CDX1: variants seen among roughly 807,000 people sequenced by gnomAD.
CDX1 encodes the protein caudal type homeobox 1.
CDX1 carries 9 observed loss-of-function variants against 16.9 expected under a neutral mutation model. The ratio of observed to expected loss-of-function variants is 0.53; its 90% CI spans 0.32 to 0.93. CDX1 has a LOEUF of 0.93. CDX1 is among the 40% of genes least tolerant of loss of function. The probability of loss-of-function intolerance (pLI) is 0.04; values close to 1 mark genes in which losing one functional copy is unlikely to be tolerated. For missense variants in CDX1, 393 were observed against 386.1 expected (o/e 1.02, Z -0.15); for synonymous variants, 179 against 179.0 (o/e 1.00, Z 0.00).
intron 1 of CDX1, among the ~76,000 whole-genome samples, chr5:150,169,460 G>A (rs1314911300): frequency 2.0e-5 from 3 of 152,074 alleles, no homozygotes; most frequent in East Asian, 1.9e-4. Context: ...GCCCTCTTCC[G>A]CAGAGGATGC....
Position 150,167,207 on chromosome 5 carries a change from C to T in CDX1, c.331C>T (p.Leu111Phe). 7.9e-7 allele frequency: 1 copy of T among 1,265,274 alleles called. No individual in the cohort carries two copies. The highest frequency in any genetic ancestry group is 9.9e-7 in the Non-Finnish European group (1 of 1,010,378). The allele number at this position is 1,265,274 out of a possible 1,614,324, so 78.4% of individuals were successfully genotyped here. A position where few individuals can be genotyped will look rare whatever the true frequency, so the allele number is the denominator to read the frequency against. ...VPAPPGPGPG[L>F]LAQPLGGPGT... ...GGCGCCCCCTGGGCCCGGCCCGGGC[C>T]TCCTGGCGCAGCCCCTCGGGGGCCC... The change falls in exon 1 of 3, where the codon CTC becomes TTC. Residue 111 changes from leucine (L) to phenylalanine (F), a missense_variant. Leu to Phe is a conservative substitution (Grantham distance 22). Transcript: ENST00000231656.
In CDX1 at chr5:150,166,870, G is replaced by C; in HGVS notation, c.-7G>C. The C allele has an allele frequency of 6.8e-7, 1 of 1,479,522 alleles. No homozygotes were observed. Among genetic ancestry groups the C allele is most frequent in the Non-Finnish European group, 8.9e-7 (1 of 1,120,000 alleles). The allele number at this position is 1,479,522 out of a possible 1,614,324, so 91.6% of individuals were successfully genotyped here. A position where few individuals can be genotyped will look rare whatever the true frequency, so the allele number is the denominator to read the frequency against. On this transcript the variant is annotated 5_prime_UTR_variant, in exon 1 of 3. Transcript: ENST00000231656. ...GCCCAGCATGCGCGGGGGACCCCGC[G>C]GCCACCATGTATGTGGGCTATGTGC...
rs772689982 is a variant in CDX1, at chr5:150,183,460, C to T, written c.592-14C>T. The T allele has an allele frequency of 3.8e-6, 6 of 1,585,372 alleles. No individual in the cohort carries two copies. In the Admixed American group the frequency reaches 6.9e-5, roughly 18 times the overall value. The stretch of plus-strand genomic sequence containing the variant: ...CCCTGCTGCCCACTCCATCTCTGTC[C>T]TCCAACCCCACAGGTGAAGATCTGG... On this transcript the variant is annotated splice_polypyrimidine_tract_variant and intron_variant, in intron 2 of 2. Transcript: ENST00000231656.
chr5:150,171,012 G>A (rs1042199637), intron 1 of CDX1, among the ~76,000 whole-genome samples: 1 of 152,130 alleles, frequency 6.6e-6, no homozygotes, highest in Non-Finnish European at 1.5e-5. Context: ...CATTGGGGTG[G>A]CTGAGGTCTC....
chr5:150,175,569 C>T (rs985247259), intron 1 of CDX1, among the ~76,000 whole-genome samples: 1 of 152,200 alleles, frequency 6.6e-6, no homozygotes, highest in Admixed American at 6.5e-5. Context: ...CATCCCTGCT[C>T]AGGGCTTGAG....
intron 1 of CDX1, among the ~76,000 whole-genome samples, chr5:150,180,374 A>G (rs10463230): frequency 0.032 from 4,826 of 152,340 alleles, 92 homozygotes; most frequent in East Asian, 0.083. Context: ...GGAAGCGTCC[A>G]GTGTGGTTCC....
chr5:150,183,351 G>A (rs1318697367), intron 2 of CDX1, 123 bp from the exon 3 acceptor site: 2 of 830,012 alleles, frequency 2.4e-6, no homozygotes, highest in Non-Finnish European at 3.7e-6. Context: ...GGAGGCTGGA[G>A]AGGAGATAAG....
intron 1 of CDX1, among the ~76,000 whole-genome samples, chr5:150,174,169 A>G (rs1425036139): frequency 6.6e-6 from 1 of 152,222 alleles, no homozygotes; most frequent in Non-Finnish European, 1.5e-5. Flanking sequence ...CCCTCACTGC[A>G]GCCCCACCTC....
rs754282289 is a variant in CDX1, at chr5:150,166,963, C to T, written c.87C>T (p.Ala29=). Residue 29 remains alanine (A), a synonymous_variant, in exon 1 of 3, where the codon GCC becomes GCT. Coordinates refer to ENST00000231656, the MANE Select transcript of CDX1 (RefSeq NM_001804.3). ...CCAGCCTCGGCCTGGGCCCGCAAGC[C>T]TACGGCCCCCCGGCCCCGCCCCCGG... ...RPASLGLGPQ[A]YGPPAPPPAP... 12 of 1,475,566 alleles carry T rather than the reference C, an allele frequency of 8.1e-6. No homozygotes were observed. The East Asian group carries it at 8.8e-5, about 11-fold the overall frequency. 91.4% of individuals were successfully genotyped at this position (1,475,566 alleles called of 1,614,324 possible).
chr5:150,177,445 T>A (rs1329102139), intron 1 of CDX1, among the ~76,000 whole-genome samples: 1 of 152,234 alleles, frequency 6.6e-6, no homozygotes, highest in Non-Finnish European at 1.5e-5. Context: ...CTAGACATTG[T>A]CCATCTATCT....
In CDX1 at chr5:150,167,331, CT is replaced by C; in HGVS notation, c.445+12del. On this transcript the variant is annotated intron_variant, in intron 1 of 2. Coordinates refer to ENST00000231656, the MANE Select transcript of CDX1 (RefSeq NM_001804.3). The stretch of plus-strand genomic sequence containing the variant: ...GGCGGCGGTGGCAGCGGTAAGGACC[CT>C]TCCCTCGCCCTGCGCCTCTGGACCT... 1 of 1,250,702 alleles carries C rather than the reference CT, an allele frequency of 8.0e-7. No individual in the cohort carries two copies. Among genetic ancestry groups the C allele is most frequent in the Non-Finnish European group, 1.0e-6 (1 of 1,000,922 alleles). The allele number at this position is 1,250,702 out of a possible 1,614,324, so 77.5% of individuals were successfully genotyped here.
rs187392757 is a variant in CDX1 at position 150,169,312 on chromosome 5, G to T, written c.445+1991G>T. On this transcript the variant is annotated intron_variant, in intron 1 of 2. Coordinates refer to ENST00000231656, the MANE Select transcript of CDX1 (RefSeq NM_001804.3). ...TGGTCTCAAAAGTCGCTTGAAAACT[G>T]TTGTCTGCAGGCAGATGAGTCTACC... is the stretch of plus-strand genomic sequence containing the variant. 2.6e-4 allele frequency among the ~76,000 whole-genome samples: 40 copies of T among 152,224 alleles called. 1 individual carries two copies. The East Asian group carries it at 6.6e-3, about 25-fold the overall frequency.
At chr5:150,168,557 C>T (rs1487400365) in intron 1 of CDX1, among the ~76,000 whole-genome samples, 1 of 152,234 alleles carries the variant, frequency 6.6e-6, no homozygotes, top group African/African-American at 2.4e-5. Flanking sequence ...TAAGTAAGAT[C>T]TTGCATGCAT....
At chr5:150,176,680 C>T (rs1243549855) in intron 1 of CDX1, among the ~76,000 whole-genome samples, 1 of 152,158 alleles carries the variant, frequency 6.6e-6, no homozygotes, top group Non-Finnish European at 1.5e-5. Context: ...ACAGGCTAAA[C>T]CAATGCCCAG....
intron 1 of CDX1, among the ~76,000 whole-genome samples, chr5:150,173,366 C>G (rs1313032626): frequency 6.6e-6 from 1 of 152,194 alleles, no homozygotes; most frequent in Non-Finnish European, 1.5e-5. Flanking sequence ...CTGCTCCTCC[C>G]TGCCTGGGGG....
At chr5:150,171,115 C>G (rs1193500801) in intron 1 of CDX1, among the ~76,000 whole-genome samples, 1 of 152,092 alleles carries the variant, frequency 6.6e-6, no homozygotes, top group African/African-American at 2.4e-5. Flanking sequence ...GAAACTGAGG[C>G]CCATGAAGGA....
chr5:150,183,731 G>T lies in CDX1; in HGVS notation c.*51G>T. ...GGACCTGGGGACTCGGGTGCTGGGA[G>T]TGTGGCTCCTGTGGGCCCAGGAGGT... is the stretch of plus-strand genomic sequence containing the variant. On this transcript the variant is annotated 3_prime_UTR_variant, in exon 3 of 3. Transcript: ENST00000231656. 3 of 1,415,876 alleles carry T rather than the reference G, an allele frequency of 2.1e-6. No homozygotes were observed. The highest frequency in any genetic ancestry group is 1.9e-6 in the Non-Finnish European group (2 of 1,064,610). The allele number at this position is 1,415,876 out of a possible 1,614,324, so 87.7% of individuals were successfully genotyped here.
chr5:150,170,086 T>A (rs1421657100), intron 1 of CDX1, among the ~76,000 whole-genome samples: 1 of 152,240 alleles, frequency 6.6e-6, no homozygotes, highest in Non-Finnish European at 1.5e-5. Context: ...TTCCAAGCTC[T>A]AGCCATTCCA....
chr5:150,179,347 G>A (rs1321211983), intron 1 of CDX1, among the ~76,000 whole-genome samples: 1 of 152,182 alleles, frequency 6.6e-6, no homozygotes, highest in African/African-American at 2.4e-5. Context: ...AAGGCCTGTG[G>A]GCCAGGTCTT....
Sources: allele counts gnomAD v4.1 joint callset (sites outside exome capture counted in the v4.1 genomes callset), GRCh38; gene constraint gnomAD v4.1.1; transcripts MANE v1.5; gene names NCBI Gene and HGNC (gene_info 2026-07-23, HGNC 2026-07-21).